EFR3B: variants seen among roughly 807,000 people sequenced by gnomAD.
The protein encoded by EFR3B is EFR3 homolog B.
In EFR3B, 64 loss-of-function variants were observed where a neutral mutation model predicts 104.7. The observed-to-expected ratio is 0.61, with a 90% CI of 0.50 to 0.75. The LOEUF (loss-of-function observed/expected upper bound fraction) is 0.75. Ranked by LOEUF, EFR3B falls within the 30% of genes least tolerant of loss-of-function variation. EFR3B has a pLI of 0.00. For missense variants in EFR3B, 750 were observed against 1,078.5 expected (o/e 0.70, Z 4.27); for synonymous variants, 385 against 417.9 (o/e 0.92, Z 0.96).
intron 1 of EFR3B, among the ~76,000 whole-genome samples, chr2:25,073,181 G>A (rs1037611228): frequency 2.0e-5 from 3 of 152,136 alleles, no homozygotes; most frequent in Non-Finnish European, 4.4e-5. Flanking sequence ...GTTATGGAGT[G>A]TTGTCCCAGC....
chr2:25,069,754 T>C lies in EFR3B; in HGVS notation c.8-21571T>C, dbSNP rs538994182. On this transcript the variant is annotated intron_variant, in intron 1 of 22. Coordinates refer to ENST00000403714, the MANE Select transcript of EFR3B (RefSeq NM_014971.2). ...CTCTGTTGCCCAGGCTGGAGTGCAA[T>C]GGCACGATCTTGGCTCACTGCAACC... is the stretch of plus-strand genomic sequence containing the variant. 8.5e-5 allele frequency among the ~76,000 whole-genome samples: 13 copies of C among 152,366 alleles called. No individual in the cohort carries two copies. The South Asian group carries it at 2.7e-3, about 32-fold the overall frequency.
chr2:25,051,623 T>TTGTG (rs71392994), intron 1 of EFR3B, among the ~76,000 whole-genome samples: 4 of 139,928 alleles, frequency 2.9e-5, no homozygotes, highest in Non-Finnish European at 6.2e-5. Flanking sequence ...CATTTCTCTT[T>TTGTG]TGTGTGTGTG....
chr2:25,063,666 C>T (rs1228966361), intron 1 of EFR3B, among the ~76,000 whole-genome samples: 1 of 152,214 alleles, frequency 6.6e-6, no homozygotes, highest in Admixed American at 6.5e-5. Context: ...ATTCAAACCT[C>T]CTAACCGATT....
intron 19 of EFR3B, 111 bp from the exon 20 acceptor site, chr2:25,149,583 A>G (rs932449928): frequency 5.8e-5 from 65 of 1,116,106 alleles, no homozygotes; most frequent in Non-Finnish European, 2.4e-5. Context: ...CTTCCTGCCC[A>G]CTGGGACTTT....
intron 1 of EFR3B, among the ~76,000 whole-genome samples, chr2:25,063,566 C>T (rs1077492): frequency 0.43 from 64,763 of 151,832 alleles, 16,696 homozygotes; most frequent in Middle Eastern, 0.61. Flanking sequence ...GGAAGTGTTA[C>T]TTAACTGCCC....
chr2:25,075,276 C>T (rs1331504886), intron 1 of EFR3B, among the ~76,000 whole-genome samples: 2 of 152,182 alleles, frequency 1.3e-5, no homozygotes, highest in African/African-American at 2.4e-5. Context: ...TCCTCACTTC[C>T]TGTGTGATCG....
intron 1 of EFR3B, among the ~76,000 whole-genome samples, chr2:25,083,516 G>A (rs1668868314): frequency 6.6e-6 from 1 of 151,974 alleles, no homozygotes; most frequent in South Asian, 2.1e-4. Context: ...GCTGGGTTTT[G>A]TGGCTACTTA....
chr2:25,049,952 T>TA (rs59279308), intron 1 of EFR3B, among the ~76,000 whole-genome samples: 20,904 of 104,706 alleles, frequency 0.2, 2,799 homozygotes, highest in African/African-American at 0.4. Flanking sequence ...ACATTTCTAC[T>TA]AAAAAAAAAA....
At chr2:25,072,717 C>T (rs1668531626) in intron 1 of EFR3B, among the ~76,000 whole-genome samples, 1 of 152,188 alleles carries the variant, frequency 6.6e-6, no homozygotes, top group African/African-American at 2.4e-5. Context: ...CCTCCAGTAC[C>T]TCCTCTTCAG....
At chr2:25,081,456 T>G in intron 1 of EFR3B, 1 of 1,439,832 alleles carries the variant, frequency 6.9e-7, no homozygotes, top group South Asian at 1.2e-5. Flanking sequence ...CATCTGGTGA[T>G]TTTGCCACAT....
intron 19 of EFR3B, among the ~76,000 whole-genome samples, chr2:25,148,216 TCCTTGGAA>T (rs1368097395): frequency 2.0e-5 from 3 of 151,036 alleles, no homozygotes; most frequent in Non-Finnish European, 4.4e-5. Context: ...GTGGGGTAAC[TCCTTGGAA>T]CCTCAGCAGC....
chr2:25,143,865 A>T lies in EFR3B; in HGVS notation c.2050+3A>T, dbSNP rs779563223. The stretch of plus-strand genomic sequence containing the variant: ...GCCCTACATTCCTCAGCTGACAGGT[A>T]TGAGTTCTGTGCAGGGATGCCCGGG... On this transcript the variant is annotated splice_donor_region_variant and intron_variant, in intron 18 of 22. Coordinates refer to ENST00000403714, the MANE Select transcript of EFR3B (RefSeq NM_014971.2). 3.9e-6 allele frequency: 6 copies of T among 1,551,272 alleles called. No individual in the cohort carries two copies. The highest frequency in any genetic ancestry group is 5.2e-6 in the Non-Finnish European group (6 of 1,146,812).
chr2:25,091,577 G>T (rs185078595), intron 2 of EFR3B, among the ~76,000 whole-genome samples, 176 bp downstream of exon 2: 2 of 152,350 alleles, frequency 1.3e-5, no homozygotes, highest in East Asian at 3.9e-4. Context: ...GGGCAGTGGT[G>T]AGAGGCCGCT....
intron 2 of EFR3B, 35 bp downstream of exon 2, chr2:25,091,436 A>G (rs1273570619): frequency 3.9e-6 from 6 of 1,531,032 alleles, no homozygotes; most frequent in Non-Finnish European, 5.3e-6. Context: ...CGTGGCTCTC[A>G]TGGTCCAGGC....
intron 3 of EFR3B, among the ~76,000 whole-genome samples, chr2:25,093,698 C>G (rs1462737354): frequency 1.3e-5 from 2 of 151,944 alleles, no homozygotes; most frequent in South Asian, 4.1e-4. Context: ...ATACAGAAGC[C>G]CTCATACAGT....
At position 25,042,707 on chromosome 2, in the gene EFR3B, C is replaced by T. The variant is rs543595772; in HGVS notation, c.7+388C>T. On this transcript the variant is annotated intron_variant, in intron 1 of 22. Transcript: ENST00000403714. This position sits in a 1 kb window ranked among gnomAD's most constrained non-coding sequence, Gnocchi z 5.4. ...TTTTCTGTGGGAAGCCGGTCCAGGG[C>T]TGAGGGAGACGCCCGCGGCCGGTCG... 1.0e-6 allele frequency: 1 copy of T among 996,644 alleles called. No homozygotes were observed. Among genetic ancestry groups the T allele is most frequent in the South Asian group, 4.7e-5 (1 of 21,322 alleles). The allele number at this position is 996,644 out of a possible 1,614,324, so 61.7% of individuals were successfully genotyped here. A position where few individuals can be genotyped will look rare whatever the true frequency, so the allele number is the denominator to read the frequency against.
chr2:25,080,005 A>T lies in EFR3B; in HGVS notation c.8-11320A>T, dbSNP rs1668746288. ...CTAGCAGTTTCCTCCAAGTCGTCAC[A>T]AGCAAGAATTTTAAGCCCACTGTCT... On this transcript the variant is annotated intron_variant, in intron 1 of 22. Coordinates refer to ENST00000403714, the MANE Select transcript of EFR3B (RefSeq NM_014971.2). The T allele has an allele frequency of 3.1e-6, 3 of 982,184 alleles. No individual in the cohort carries two copies. In the Admixed American group the frequency reaches 5.1e-5, roughly 17 times the overall value. 60.8% of individuals were successfully genotyped at this position (982,184 alleles called of 1,614,324 possible).
chr2:25,130,244 T>TGTGTTCCCTGC lies in EFR3B; in HGVS notation c.770+136_770+137insTGTTCCCTGCG. 2 of 1,378,350 alleles carry TGTGTTCCCTGC rather than the reference T, an allele frequency of 1.5e-6. No individual in the cohort carries two copies. Among genetic ancestry groups the TGTGTTCCCTGC allele is most frequent in the Non-Finnish European group, 2.0e-6 (2 of 1,019,544 alleles). 85.4% of individuals were successfully genotyped at this position (1,378,350 alleles called of 1,614,324 possible). ...CGCAGCCGAGTCGATCCCTTCCCTG[T>TGTGTTCCCTGC]GCCTGTGTTCCCTGCACTGTGACAG... is the stretch of plus-strand genomic sequence containing the variant. On this transcript the variant is annotated intron_variant, in intron 7 of 22. Transcript: ENST00000403714. The surrounding 1 kb of genome is among the most constrained non-coding windows in gnomAD (Gnocchi z 4.6).
At chr2:25,050,661 T>C (rs1309061012) in intron 1 of EFR3B, among the ~76,000 whole-genome samples, 1 of 152,142 alleles carries the variant, frequency 6.6e-6, no homozygotes, top group Non-Finnish European at 1.5e-5. Context: ...AAAGAAAATC[T>C]TAGACACAAA....
Sources: allele counts gnomAD v4.1 joint callset (sites outside exome capture counted in the v4.1 genomes callset), GRCh38; gene constraint gnomAD v4.1.1; non-coding constraint Gnocchi (gnomAD v3.1); transcripts MANE v1.5; gene names NCBI Gene and HGNC (gene_info 2026-07-23, HGNC 2026-07-21).